The following ENPEP variants were observed in gnomAD, a reference collection of about 807,000 sequenced individuals.
ENPEP encodes the protein glutamyl aminopeptidase.
ENPEP carries 103 observed loss-of-function variants against 114.5 expected under a neutral mutation model. The ratio of observed to expected loss-of-function variants is 0.90; its 90% confidence interval spans 0.77 to 1.06. The LOEUF is 1.06. Among genes scored for constraint, ENPEP ranks in the 50% least tolerant of loss-of-function variants. The pLI is 0.00. For synonymous variants in ENPEP, 420 were observed against 422.0 expected (o/e 1.00, Z 0.06); for missense variants, 1,196 against 1,161.3 (o/e 1.03, Z -0.43).
Position 110,515,100 on chromosome 4 carries a change from G to C in ENPEP, c.1444-277G>C, listed in dbSNP as rs180896220. On this transcript the variant is annotated intron_variant, in intron 7 of 19. Transcript: ENST00000265162. ...AAAGCCCCATCTGCTGGTTTATTTG[G>C]GGAAGTGCAATAATTATTTGAATCT... Among the ~76,000 whole-genome samples, 1,195 of 152,072 alleles carry C rather than the reference G, an allele frequency of 7.9e-3. 9 individuals carry two copies. The highest frequency in any genetic ancestry group is 0.012 in the Non-Finnish European group (787 of 67,934).
At position 110,513,648 on chromosome 4, in the gene ENPEP, G is replaced by C. The variant is rs557129557; in HGVS notation, c.1443+99G>C. 2.1e-5 allele frequency: 31 copies of C among 1,459,260 alleles called. No individual in the cohort carries two copies. In the Admixed American group the frequency reaches 3.6e-4, roughly 17 times the overall value. The allele number at this position is 1,459,260 out of a possible 1,614,324, so 90.4% of individuals were successfully genotyped here. A position where few individuals can be genotyped will look rare whatever the true frequency, so the allele number is the denominator to read the frequency against. On this transcript the variant is annotated intron_variant, in intron 7 of 19. Transcript: ENST00000265162. ...GTAAGAATGGTCACACTGTGCCAGT[G>C]AGCTTTGGAAAACAGTGTAGAAGTT...
intron 18 of ENPEP, among the ~76,000 whole-genome samples, chr4:110,555,080 AATTGATT>A (rs1356001421): frequency 4.6e-5 from 7 of 151,946 alleles, no homozygotes; most frequent in African/African-American, 7.2e-5. Context: ...AGGCCTGGTA[AATTGATT>A]ATTTTTCAAG....
chr4:110,489,133 T>C (rs1347579250), intron 2 of ENPEP, among the ~76,000 whole-genome samples: 3 of 151,812 alleles, frequency 2.0e-5, no homozygotes, highest in African/African-American at 4.8e-5. Flanking sequence ...AAATAGTGGG[T>C]TGTGGAAGCA....
At chr4:110,533,247 T>C (rs919498974) in intron 11 of ENPEP, 1 of 269,526 alleles carries the variant, frequency 3.7e-6, no homozygotes. Flanking sequence ...CTTACTCAAG[T>C]GCTTTGTAAA....
intron 11 of ENPEP, among the ~76,000 whole-genome samples, chr4:110,537,524 A>T (rs369668074): frequency 2.6e-5 from 4 of 152,134 alleles, no homozygotes; most frequent in Admixed American, 6.5e-5. Flanking sequence ...TGCTATTTTC[A>T]CCACTCTGCA....
intron 11 of ENPEP, 63 bp downstream of exon 11, chr4:110,531,340 G>C: frequency 8.2e-7 from 1 of 1,224,628 alleles, no homozygotes; most frequent in Non-Finnish European, 1.1e-6. Flanking sequence ...ACTAATATAA[G>C]TATAAAGATG....
intron 11 of ENPEP, among the ~76,000 whole-genome samples, chr4:110,533,906 A>G (rs1294010278): frequency 6.6e-6 from 1 of 152,214 alleles, no homozygotes; most frequent in Non-Finnish European, 1.5e-5. Context: ...CAAATAAATG[A>G]AGAGGCTGAT....
At chr4:110,526,168 C>T (rs1210235004) in intron 10 of ENPEP, among the ~76,000 whole-genome samples, 2 of 151,936 alleles carry the variant, frequency 1.3e-5, no homozygotes, top group African/African-American at 4.8e-5. Flanking sequence ...CCCAGCTACT[C>T]GGGAGGCTGA....
rs1010673823 is a variant in ENPEP, at chr4:110,506,671, C to T, written c.953C>T (p.Thr318Ile). 4 of 1,611,404 alleles carry T rather than the reference C, an allele frequency of 2.5e-6. No homozygotes were observed. The highest frequency in any genetic ancestry group is 3.3e-4 in the Middle Eastern group (2 of 6,072). Reference protein sequence around the residue: ...TIYVQPEQKHTAEYAANITKS... With the variant: ...TIYVQPEQKHIAEYAANITKS... The stretch of plus-strand genomic sequence containing the variant: ...TATGTCCAGCCAGAGCAAAAGCACA[C>T]AGCCGAATATGCTGCAAACATAACT... Residue 318 changes from threonine (T) to isoleucine (I), a missense_variant, in exon 4 of 20, where the codon ACA becomes ATA. Coordinates refer to ENST00000265162, the MANE Select transcript of ENPEP (RefSeq NM_001977.4).
At chr4:110,510,100 G>A in intron 5 of ENPEP, 145 bp from the exon 6 acceptor site, 1 of 710,884 alleles carries the variant, frequency 1.4e-6, no homozygotes, top group Non-Finnish European at 2.3e-6. Context: ...TCAGAATAAA[G>A]CAGGAAATAA....
At chr4:110,490,948 G>A (rs1350182491) in intron 2 of ENPEP, 85 bp from the exon 3 acceptor site, 12 of 1,432,778 alleles carry the variant, frequency 8.4e-6, no homozygotes, top group South Asian at 2.8e-5. Flanking sequence ...AGAAAGCAAG[G>A]TTTGGGGCAA....
At chr4:110,531,325 A>C (rs1726398903) in intron 11 of ENPEP, 48 bp downstream of exon 11, 1 of 1,314,132 alleles carries the variant, frequency 7.6e-7, no homozygotes, top group Admixed American at 2.6e-5. Context: ...GATGTACCAC[A>C]TTAAACTAAT....
At chr4:110,541,122 G>A (rs1056626744) in intron 11 of ENPEP, among the ~76,000 whole-genome samples, 7 of 152,072 alleles carry the variant, frequency 4.6e-5, no homozygotes, top group Non-Finnish European at 1.0e-4. Context: ...ACTTGTCCAT[G>A]GGAGGATGAC....
At chr4:110,505,328 C>T (rs1389025605) in intron 3 of ENPEP, among the ~76,000 whole-genome samples, 1 of 151,962 alleles carries the variant, frequency 6.6e-6, no homozygotes, top group Non-Finnish European at 1.5e-5. Context: ...AAAAAAACTT[C>T]TAAGAGTATT....
chr4:110,534,337 G>A (rs1367151922), intron 11 of ENPEP, among the ~76,000 whole-genome samples: 1 of 151,792 alleles, frequency 6.6e-6, no homozygotes, highest in Admixed American at 6.6e-5. Flanking sequence ...ACATTTTCTG[G>A]CTACTCCAGT....
intron 1 of ENPEP, among the ~76,000 whole-genome samples, chr4:110,486,189 A>G (rs1011922535): frequency 6.6e-6 from 1 of 152,204 alleles, no homozygotes; most frequent in Non-Finnish European, 1.5e-5. Flanking sequence ...AATCAGAGTA[A>G]GGACTCAGAG....
chr4:110,546,432 A>G (rs1727061718), intron 13 of ENPEP, among the ~76,000 whole-genome samples: 1 of 151,880 alleles, frequency 6.6e-6, no homozygotes, highest in South Asian at 2.1e-4. Context: ...GGTGGGTAAT[A>G]ACATAAGGGA....
intron 11 of ENPEP, among the ~76,000 whole-genome samples, chr4:110,536,034 G>A (rs151254188): frequency 6.6e-6 from 1 of 150,590 alleles, no homozygotes; most frequent in East Asian, 2.0e-4. Flanking sequence ...TTGAACCCGG[G>A]AGGCGGAGGT....
At chr4:110,507,519 T>C (rs1452453980) in intron 4 of ENPEP, among the ~76,000 whole-genome samples, 1 of 152,234 alleles carries the variant, frequency 6.6e-6, no homozygotes, top group Non-Finnish European at 1.5e-5. Flanking sequence ...TAATAACTTA[T>C]CAATGCACAC....
Sources: allele counts gnomAD v4.1 joint callset (sites outside exome capture counted in the v4.1 genomes callset), GRCh38; gene constraint gnomAD v4.1.1; transcripts MANE v1.5; gene names NCBI Gene and HGNC (gene_info 2026-07-23, HGNC 2026-07-21).